Variants in ARFGEF1 observed in about 807,000 individuals in gnomAD.
ARFGEF1 encodes the protein ARF guanine nucleotide exchange factor 1.
ARFGEF1 carries 42 observed loss-of-function variants against 231.0 expected under a neutral mutation model. That is an observed-to-expected ratio of 0.18 (90% confidence interval 0.14 to 0.24). The LOEUF (loss-of-function observed/expected upper bound fraction) is 0.24. ARFGEF1 is among the 10% of genes least tolerant of loss of function. The probability of loss-of-function intolerance (pLI) is 1.00; values close to 1 mark genes in which losing one functional copy is unlikely to be tolerated. For synonymous variants in ARFGEF1, 710 were observed against 732.3 expected (o/e 0.97, Z 0.49); for missense variants, 1,345 against 2,192.0 (o/e 0.61, Z 7.72).
intron 23 of ARFGEF1, 57 bp from the exon 24 acceptor site, chr8:67,228,321 T>G (rs1371428496): frequency 1.6e-5 from 24 of 1,511,418 alleles, no homozygotes; most frequent in Non-Finnish European, 2.1e-5. Context: ...TTATTCCAAT[T>G]GAAAAGTATG....
At chr8:67,294,823 G>C (rs920962448) in intron 5 of ARFGEF1, among the ~76,000 whole-genome samples, 1 of 152,138 alleles carries the variant, frequency 6.6e-6, no homozygotes, top group Non-Finnish European at 1.5e-5. Context: ...ATAACACAGA[G>C]TGACAATGAA....
At chr8:67,282,514 A>C (rs1234023395) in intron 7 of ARFGEF1, among the ~76,000 whole-genome samples, 1 of 152,174 alleles carries the variant, frequency 6.6e-6, no homozygotes, top group Non-Finnish European at 1.5e-5. Flanking sequence ...ATAAAAAGAT[A>C]ATCTTAAAAA....
rs150731870 is a variant in ARFGEF1 at position 67,279,092 on chromosome 8, C to G, written c.1028-1635G>C. ...CAGCCTGGGCAACATAGTGAGACACCATTGCTACAAAAAATTTTTTTTAAA... is the reference window on the plus strand; with the variant it reads ...CAGCCTGGGCAACATAGTGAGACACGATTGCTACAAAAAATTTTTTTTAAA... On this transcript the variant is annotated intron_variant, in intron 7 of 38. Transcript: ENST00000262215. Among the ~76,000 whole-genome samples, 675 of 152,094 alleles carry G rather than the reference C, an allele frequency of 4.4e-3. 9 individuals carry two copies. Among genetic ancestry groups the G allele is most frequent in the African/African-American group, 0.015 (642 of 41,496 alleles).
At chr8:67,181,484 T>C (rs918954711) in intron 5 of ARFGEF1, among the ~76,000 whole-genome samples, 1 of 151,772 alleles carries the variant, frequency 6.6e-6, no homozygotes, top group Non-Finnish European at 1.5e-5. Context: ...ACAGTGAAGA[T>C]GGTCTGGGCC....
chr8:67,180,854 T>G (rs186798187), intron 5 of ARFGEF1, among the ~76,000 whole-genome samples: 198 of 152,248 alleles, frequency 1.3e-3, no homozygotes, highest in Non-Finnish European at 1.9e-3. Flanking sequence ...CCATGGGATC[T>G]TCTTTTTTTT....
intron 1 of ARFGEF1, among the ~76,000 whole-genome samples, chr8:67,312,298 C>CA (rs1424414447): frequency 1.4e-5 from 2 of 141,442 alleles, no homozygotes; most frequent in African/African-American, 5.2e-5. Context: ...AAACTAAAGA[C>CA]AAAACAATCT....
intron 1 of ARFGEF1, among the ~76,000 whole-genome samples, chr8:67,316,230 T>C (rs562065804): frequency 2.4e-4 from 37 of 152,306 alleles, no homozygotes; most frequent in East Asian, 9.6e-4. Flanking sequence ...CAATATGAAA[T>C]AGATCATTTG....
intron 5 of ARFGEF1, among the ~76,000 whole-genome samples, chr8:67,188,545 T>C (rs901560986): frequency 1.3e-5 from 2 of 152,218 alleles, no homozygotes; most frequent in Non-Finnish European, 2.9e-5. Flanking sequence ...GCAACCCGTT[T>C]TGGGTCCCCT....
chr8:67,218,199 A>ATATATAT lies in ARFGEF1; in HGVS notation c.4339-62_4339-61insATATATA, dbSNP rs1563843179. 1.6e-5 allele frequency: 3 copies of ATATATAT among 190,992 alleles called. No homozygotes were observed. The African/African-American group carries it at 2.0e-4, about 13-fold the overall frequency. The allele number at this position is 190,992 out of a possible 1,614,324, so 11.8% of individuals were successfully genotyped here. ...TAATCAACTACTATGATTAAAAAAA[A>ATATATAT]AAAAAAAAATATATATATATATATA... On this transcript the variant is annotated intron_variant, in intron 30 of 38. Coordinates refer to ENST00000262215, the MANE Select transcript of ARFGEF1 (RefSeq NM_006421.5).
chr8:67,203,622 G>A (rs78533967), intron 35 of ARFGEF1, among the ~76,000 whole-genome samples: 2,423 of 152,338 alleles, frequency 0.016, 77 homozygotes, highest in African/African-American at 0.055. Flanking sequence ...TGTGACTGGA[G>A]AAAGCAGACT....
intron 5 of ARFGEF1, among the ~76,000 whole-genome samples, chr8:67,295,361 A>G (rs889999721): frequency 6.6e-6 from 1 of 152,204 alleles, no homozygotes; most frequent in Non-Finnish European, 1.5e-5. Flanking sequence ...GGAACCTGAC[A>G]GATAACTACC....
At chr8:67,281,075 T>G (rs1216869541) in intron 7 of ARFGEF1, among the ~76,000 whole-genome samples, 1 of 148,926 alleles carries the variant, frequency 6.7e-6, no homozygotes, top group African/African-American at 2.5e-5. Context: ...AAAACATTAC[T>G]GAAACAAAAA....
intron 1 of ARFGEF1, among the ~76,000 whole-genome samples, chr8:67,339,788 T>A (rs1587355109): frequency 2.2e-3 from 1 of 464 alleles, no homozygotes; most frequent in Non-Finnish European, 4.2e-3. Context: ...AGTGTAACAG[T>A]GTGGGGCGGG....
rs1391937931 is a variant in ARFGEF1, at chr8:67,343,545, C to T, written c.-258G>A. 2 of 1,141,062 alleles carry T rather than the reference C, an allele frequency of 1.8e-6. No individual in the cohort carries two copies. Among genetic ancestry groups the T allele is most frequent in the African/African-American group, 1.6e-5 (1 of 61,556 alleles). 70.7% of individuals were successfully genotyped at this position (1,141,062 alleles called of 1,614,324 possible). A position where few individuals can be genotyped will look rare whatever the true frequency, so the allele number is the denominator to read the frequency against. On this transcript the variant is annotated 5_prime_UTR_variant, in exon 1 of 39. Coordinates refer to ENST00000262215, the MANE Select transcript of ARFGEF1 (RefSeq NM_006421.5). ...GCGCCCGTCGGGCCTCCGCTTCTCC[C>T]GGCCCGGGGGTCGCGTCCCGGCCGC...
chr8:67,184,974 G>GCA (rs1213269584), intron 5 of ARFGEF1, among the ~76,000 whole-genome samples: 1 of 147,952 alleles, frequency 6.8e-6, no homozygotes, highest in Non-Finnish European at 1.5e-5. Flanking sequence ...AAAGGTGGTG[G>GCA]GCACCTATAA....
At chr8:67,321,167 G>A (rs1367462861) in intron 1 of ARFGEF1, among the ~76,000 whole-genome samples, 1 of 151,746 alleles carries the variant, frequency 6.6e-6, no homozygotes, top group Non-Finnish European at 1.5e-5. Flanking sequence ...AAGTATGGGG[G>A]GGGGTTTGGG....
chr8:67,302,409 T>C, intron 2 of ARFGEF1, 27 bp downstream of exon 2: 2 of 1,551,856 alleles, frequency 1.3e-6, no homozygotes. Flanking sequence ...AAAATTATTT[T>C]TACTAAAGAA....
chr8:67,271,920 A>T lies in ARFGEF1; in HGVS notation c.1354T>A (p.Ser452Thr). The change falls in exon 10 of 39, where the codon TCC (serine) becomes ACC (threonine). Residue 452 changes from serine (S) to threonine (T), a missense_variant. By Grantham distance (58) the Ser-to-Thr change is moderately conservative. Transcript: ENST00000262215. The stretch of plus-strand genomic sequence containing the variant: ...AGTAACTGCAATGAAAGAATCTTGG[A>T]TCGTAGTTCATGAGACCTAAAATGT... ...PPDPKSHELR[S>T]KILSLQLLLS... The T allele has an allele frequency of 6.2e-7, 1 of 1,609,656 alleles. No homozygotes were observed. The highest frequency in any genetic ancestry group is 8.5e-7 in the Non-Finnish European group (1 of 1,178,286).
intron 18 of ARFGEF1, 101 bp from the exon 19 acceptor site, chr8:67,251,551 T>C (rs897197479): frequency 8.5e-7 from 1 of 1,176,542 alleles, no homozygotes; most frequent in African/African-American, 1.6e-5. Flanking sequence ...TAATTAAAAG[T>C]AATCCTAAGA....
Sources: gnomAD v4.1 joint callset for allele counts (sites outside exome capture counted in the v4.1 genomes callset) on GRCh38, gnomAD v4.1.1 for gene constraint, MANE v1.5 for transcripts, NCBI Gene and HGNC (gene_info 2026-07-23, HGNC 2026-07-21) for gene names.